The following GLG1 variants were observed in gnomAD, a reference collection of about 807,000 sequenced individuals.
GLG1 encodes the protein Golgi apparatus protein 1.
In GLG1, 38 loss-of-function variants were observed where a neutral mutation model predicts 160.5. That is an observed-to-expected ratio of 0.24 (90% CI 0.18 to 0.31). GLG1 has a LOEUF of 0.31. Among genes scored for constraint, GLG1 ranks in the 10% least tolerant of loss-of-function variants. GLG1 has a pLI of 1.00. For missense variants in GLG1, 1,373 were observed against 1,505.2 expected (o/e 0.91, Z 1.45); for synonymous variants, 644 against 543.4 (o/e 1.19, Z -2.57).
intron 5 of GLG1, among the ~76,000 whole-genome samples, 175 bp downstream of exon 5, chr16:74,496,266 T>C (rs2016182709): frequency 6.6e-6 from 1 of 151,870 alleles, no homozygotes; most frequent in Admixed American, 6.6e-5. Context: ...AGATCCTGTC[T>C]CAAAAATTGG....
intron 18 of GLG1, among the ~76,000 whole-genome samples, chr16:74,467,079 T>C (rs1036174773): frequency 5.3e-5 from 8 of 152,100 alleles, no homozygotes; most frequent in Non-Finnish European, 1.2e-4. Flanking sequence ...CTACAGATCA[T>C]TACAGACAAA....
chr16:74,575,269 C>T (rs189294823), intron 1 of GLG1, among the ~76,000 whole-genome samples: 1 of 151,964 alleles, frequency 6.6e-6, no homozygotes, highest in African/African-American at 2.4e-5. Context: ...AAAAACACTG[C>T]ACCTAACAGT....
chr16:74,540,814 A>G (rs2017841209), intron 1 of GLG1, among the ~76,000 whole-genome samples: 1 of 152,138 alleles, frequency 6.6e-6, no homozygotes, highest in Non-Finnish European at 1.5e-5. Context: ...GGACAGGTTT[A>G]TCCCTTTGGC....
At chr16:74,540,410 T>C in intron 1 of GLG1, among the ~76,000 whole-genome samples, 1 of 151,760 alleles carries the variant, frequency 6.6e-6, no homozygotes, top group Non-Finnish European at 1.5e-5. Context: ...CTACCAGGAA[T>C]TAGAAACAAG....
rs546579261 is a variant in GLG1 at position 74,456,460 on chromosome 16, C to G, written c.3372+189G>C. The stretch of plus-strand genomic sequence containing the variant: ...CAGGCGCGAGCCACCGCGCCCGGCC[C>G]TGACCACGTTTTCAAACGCACTTAT... On this transcript the variant is annotated intron_variant, in intron 25 of 25. Transcript: ENST00000422840. 110 of 565,852 alleles carry G rather than the reference C, an allele frequency of 1.9e-4. No individual in the cohort carries two copies. The African/African-American group carries it at 2.0e-3, about 10-fold the overall frequency. 35.1% of individuals were successfully genotyped at this position (565,852 alleles called of 1,614,324 possible).
chr16:74,586,422 T>G (rs906833781), intron 1 of GLG1, among the ~76,000 whole-genome samples: 7 of 152,210 alleles, frequency 4.6e-5, no homozygotes, highest in African/African-American at 1.7e-4. Context: ...GTTGACCACC[T>G]TGACACACAA....
intron 1 of GLG1, among the ~76,000 whole-genome samples, chr16:74,541,881 G>C (rs1391263264): frequency 6.8e-6 from 1 of 147,878 alleles, no homozygotes; most frequent in African/African-American, 2.5e-5. Flanking sequence ...TGTAAGAAAA[G>C]GAAAAAAAAG....
At chr16:74,478,578 A>G (rs772986150) in intron 11 of GLG1, among the ~76,000 whole-genome samples, 14 of 152,154 alleles carry the variant, frequency 9.2e-5, no homozygotes, top group Admixed American at 2.0e-4. Flanking sequence ...ATGACCACAC[A>G]ACACTGTAAA....
At chr16:74,469,239 G>C (rs975619354) in intron 16 of GLG1, 176 bp from the exon 17 acceptor site, 34 of 599,492 alleles carry the variant, frequency 5.7e-5, no homozygotes, top group South Asian at 4.2e-4. Flanking sequence ...TTTGACTGTG[G>C]GTGTCATGAA....
Position 74,453,272 on chromosome 16 carries a change from G to A in GLG1, c.3435C>T (p.Asn1145=). 6.2e-7 allele frequency: 1 copy of A among 1,613,730 alleles called. No individual in the cohort carries two copies. The highest frequency in any genetic ancestry group is 8.5e-7 in the Non-Finnish European group (1 of 1,179,640). Residue 1145 remains asparagine (N), a synonymous_variant, in exon 26 of 26, where the codon AAC becomes AAT. Coordinates refer to ENST00000422840, the MANE Select transcript of GLG1 (RefSeq NM_001145667.2). ...TCCCACTGATCACAGAGAGAATGTA[G>A]TTCTTAGATGGAGACGTCATTACTT... ...AMQVMTSPSK[N]YILSVISGSI... is the part of the protein sequence containing the mutation.
In GLG1 at chr16:74,498,468, T is replaced by TATATA. The variant is rs1491206560; in HGVS notation, c.775-1825_775-1824insTATAT. Among the ~76,000 whole-genome samples the TATATA allele has an allele frequency of 2.4e-3, 70 of 29,670 alleles. 11 individuals carry two copies. Among genetic ancestry groups the TATATA allele is most frequent in the East Asian group, 0.023 (20 of 870 alleles). The allele number at this position is 29,670 out of a possible 152,430, so 19.5% of individuals were successfully genotyped here. On this transcript the variant is annotated intron_variant, in intron 4 of 25. Coordinates refer to ENST00000422840, the MANE Select transcript of GLG1 (RefSeq NM_001145667.2). ...AAAAAGTATATATATATATATATAT[T>TATATA]ATATTTTATATATATATTTTATATA...
chr16:74,479,343 T>C (rs552781055), intron 11 of GLG1, among the ~76,000 whole-genome samples: 2 of 151,316 alleles, frequency 1.3e-5, no homozygotes, highest in South Asian at 2.1e-4. Context: ...CTCTTTCTTA[T>C]TTAAAAGAGA....
At chr16:74,501,793 C>G (rs2016412832) in intron 4 of GLG1, among the ~76,000 whole-genome samples, 1 of 152,224 alleles carries the variant, frequency 6.6e-6, no homozygotes, top group African/African-American at 2.4e-5. Flanking sequence ...CTTCCTGAAT[C>G]ATCAGTGACT....
At chr16:74,462,686 T>G in intron 20 of GLG1, 56 bp from the exon 21 acceptor site, 1 of 1,530,440 alleles carries the variant, frequency 6.5e-7, no homozygotes, top group Non-Finnish European at 9.1e-7. Flanking sequence ...TCACACATTT[T>G]TAGATATCCA....
At position 74,477,406 on chromosome 16, in the gene GLG1, T is replaced by G; in HGVS notation, c.1955A>C (p.Glu652Ala). ...DLGKWCSEKT[E>A]TGQELECLQD... ...AGCGATGTCACCTACCTGTCCAGTCTCTGTTTTCTCACTGCACCATTTTCC... is the reference window on the plus strand; with the variant it reads ...AGCGATGTCACCTACCTGTCCAGTCGCTGTTTTCTCACTGCACCATTTTCC... Residue 652 changes from glutamate (E) to alanine (A), a missense_variant, in exon 12 of 26, where the codon GAG (glutamate) becomes GCG (alanine). By Grantham distance (107) the Glu-to-Ala change is moderately radical. Around this residue, in one of 4 missense-constraint regions of GLG1, gnomAD observed 386 missense variants for 388.5 expected, o/e 0.99. Transcript: ENST00000422840. 2.5e-6 allele frequency: 4 copies of G among 1,612,012 alleles called. No homozygotes were observed. Among genetic ancestry groups the G allele is most frequent in the Non-Finnish European group, 3.4e-6 (4 of 1,178,054 alleles).
chr16:74,460,146 T>C (rs559372138), intron 22 of GLG1, among the ~76,000 whole-genome samples: 7 of 152,180 alleles, frequency 4.6e-5, no homozygotes, highest in African/African-American at 1.4e-4. Flanking sequence ...CTCAGCCTCC[T>C]GAGTAGCTGG....
At chr16:74,600,422 A>T (rs1308229570) in intron 1 of GLG1, among the ~76,000 whole-genome samples, 1 of 151,984 alleles carries the variant, frequency 6.6e-6, no homozygotes, top group Non-Finnish European at 1.5e-5. Flanking sequence ...GACAAAGCTA[A>T]AGTAGACAGT....
intron 2 of GLG1, among the ~76,000 whole-genome samples, chr16:74,520,352 CGTGGCCGGAGACG>C (rs1217520525): frequency 6.6e-6 from 1 of 152,104 alleles, no homozygotes; most frequent in East Asian, 1.9e-4. Flanking sequence ...TTTAAAAACA[CGTGGCCGGAGACG>C]GTGGCTCACA....
intron 21 of GLG1, 43 bp from the exon 22 acceptor site, chr16:74,462,238 G>A (rs373796773): frequency 3.6e-5 from 37 of 1,021,660 alleles, no homozygotes; most frequent in Admixed American, 3.4e-4. Context: ...ATCAGAAAAC[G>A]AAGCTTTTCT....
Sources: gnomAD v4.1 joint callset for allele counts (sites outside exome capture counted in the v4.1 genomes callset) on GRCh38, gnomAD v4.1.1 for gene constraint, gnomAD v4.1.1 regional missense constraint, MANE v1.5 for transcripts, NCBI Gene and HGNC (gene_info 2026-07-23, HGNC 2026-07-21) for gene names.